Variants in PRKG1 observed in about 807,000 individuals in gnomAD.
PRKG1 encodes the protein cGMP-dependent protein kinase 1.
In PRKG1, 35 loss-of-function variants were observed where a neutral mutation model predicts 88.1. The ratio of observed to expected loss-of-function variants is 0.40; its 90% confidence interval spans 0.30 to 0.53. The LOEUF (loss-of-function observed/expected upper bound fraction) is 0.53, where lower values mean the gene tolerates loss of function less well. Among genes scored for constraint, PRKG1 ranks in the 20% least tolerant of loss-of-function variants. PRKG1 has a pLI of 0.59. For missense variants in PRKG1, 540 were observed against 839.8 expected (o/e 0.64, Z 4.41); for synonymous variants, 303 against 292.5 (o/e 1.04, Z -0.37).
chr10:51,880,985 T>A (rs1280877466), intron 4 of PRKG1, among the ~76,000 whole-genome samples: 1 of 151,242 alleles, frequency 6.6e-6, no homozygotes, highest in African/African-American at 2.4e-5. Context: ...AATAAAAGGC[T>A]TGTATAAGAG....
intron 2 of PRKG1, among the ~76,000 whole-genome samples, chr10:51,226,849 A>G (rs908541106): frequency 2.6e-5 from 4 of 152,200 alleles, no homozygotes; most frequent in Non-Finnish European, 5.9e-5. Flanking sequence ...AGTAAAAGAA[A>G]TAAATTACTA....
At chr10:52,209,528 G>A (rs968506663) in intron 9 of PRKG1, among the ~76,000 whole-genome samples, 2 of 152,130 alleles carry the variant, frequency 1.3e-5, no homozygotes, top group Admixed American at 6.5e-5. Context: ...GGGAATTGAT[G>A]AGCAGGTGAA....
At chr10:51,277,482 T>C (rs1002158179) in intron 2 of PRKG1, among the ~76,000 whole-genome samples, 4 of 152,176 alleles carry the variant, frequency 2.6e-5, no homozygotes, top group Non-Finnish European at 1.5e-5. Flanking sequence ...AAAGTAGTTT[T>C]TTCCAATTCT....
intron 2 of PRKG1, among the ~76,000 whole-genome samples, chr10:51,399,766 G>A (rs138872275): frequency 1.3e-5 from 2 of 152,194 alleles, no homozygotes; most frequent in African/African-American, 2.4e-5. Context: ...TTTGATGATG[G>A]TTAAAGTGAC....
intron 2 of PRKG1, among the ~76,000 whole-genome samples, chr10:51,216,124 G>A (rs960167547): frequency 6.6e-6 from 1 of 152,178 alleles, no homozygotes; most frequent in Non-Finnish European, 1.5e-5. Flanking sequence ...CACAGGAGTG[G>A]CTCATTGAAT....
At chr10:51,590,144 G>C (rs1204522931) in intron 3 of PRKG1, among the ~76,000 whole-genome samples, 1 of 152,144 alleles carries the variant, frequency 6.6e-6, no homozygotes, top group Non-Finnish European at 1.5e-5. Flanking sequence ...AGTTGTGACT[G>C]ATTTTGAGAA....
rs531043210 is a variant in PRKG1, at chr10:51,656,087, C to T, written c.593-148498C>T. Reference sequence around the variant, plus strand: ...GAGTTTGAGATGTACAAGAAAAGAACAGCTATCATATTCACTTCAAAGCAA... The same window carrying T: ...GAGTTTGAGATGTACAAGAAAAGAATAGCTATCATATTCACTTCAAAGCAA... On this transcript the variant is annotated intron_variant, in intron 3 of 17. Coordinates refer to ENST00000373980, the MANE Select transcript of PRKG1 (RefSeq NM_006258.4). Among the ~76,000 whole-genome samples, 12 of 152,186 alleles carry T rather than the reference C, an allele frequency of 7.9e-5. No homozygotes were observed. In the South Asian group the frequency reaches 1.0e-3, roughly 13 times the overall value.
Position 51,850,555 on chromosome 10 carries a change from C to T in PRKG1, c.698+45865C>T, listed in dbSNP as rs1174459729. ...TAGAAAAAGGATACCATCAGCAAAA[C>T]CAGAAGGCCAATAATAAACTGAGGG... On this transcript the variant is annotated intron_variant, in intron 4 of 17. Coordinates refer to ENST00000373980, the MANE Select transcript of PRKG1 (RefSeq NM_006258.4). Among the ~76,000 whole-genome samples, 4 of 151,654 alleles carry T rather than the reference C, an allele frequency of 2.6e-5. No homozygotes were observed. The East Asian group carries it at 7.8e-4, about 29-fold the overall frequency.
At chr10:51,850,279 C>A (rs984423373) in intron 4 of PRKG1, among the ~76,000 whole-genome samples, 1 of 152,098 alleles carries the variant, frequency 6.6e-6, no homozygotes, top group African/African-American at 2.4e-5. Flanking sequence ...CGGGTTCAAG[C>A]GATTCTCCTG....
At chr10:52,222,019 A>C (rs1041575148) in intron 9 of PRKG1, among the ~76,000 whole-genome samples, 1 of 152,142 alleles carries the variant, frequency 6.6e-6, no homozygotes, top group Non-Finnish European at 1.5e-5. Context: ...GGAGTCGGTA[A>C]GGGTGGAGAT....
intron 5 of PRKG1, among the ~76,000 whole-genome samples, chr10:52,027,302 A>T (rs1171287644): frequency 6.6e-6 from 1 of 152,084 alleles, no homozygotes; most frequent in Non-Finnish European, 1.5e-5. Flanking sequence ...GAGGGTCGTG[A>T]TATGTGTATG....
chr10:52,024,274 A>C (rs1224144121), intron 5 of PRKG1, among the ~76,000 whole-genome samples: 1 of 151,766 alleles, frequency 6.6e-6, no homozygotes, highest in East Asian at 1.9e-4. Context: ...AATTGGAAAA[A>C]ACTACTTTAC....
chr10:51,513,740 A>ATGAC (rs1424568157), intron 3 of PRKG1, among the ~76,000 whole-genome samples: 1 of 101,218 alleles, frequency 9.9e-6, no homozygotes, highest in Non-Finnish European at 2.0e-5. Flanking sequence ...CTGCTCCTGA[A>ATGAC]TGACTACTGG....
intron 4 of PRKG1, among the ~76,000 whole-genome samples, chr10:51,806,234 C>A (rs1839303859): frequency 6.6e-6 from 1 of 152,126 alleles, no homozygotes. Context: ...TCTCACATAC[C>A]TAAGCGTTGG....
intron 1 of PRKG1, among the ~76,000 whole-genome samples, chr10:51,018,304 A>G (rs896157927): frequency 6.6e-6 from 1 of 151,898 alleles, no homozygotes; most frequent in Non-Finnish European, 1.5e-5. Context: ...TCTGGCTTGC[A>G]TTGGTTCTTG....
intron 2 of PRKG1, among the ~76,000 whole-genome samples, chr10:51,158,422 A>G (rs1564621515): frequency 6.6e-6 from 1 of 151,992 alleles, no homozygotes; most frequent in African/African-American, 2.4e-5. Context: ...TTTATTATGT[A>G]TATTCAAACT....
chr10:51,885,192 A>G (rs1841538238), intron 4 of PRKG1, among the ~76,000 whole-genome samples: 1 of 152,240 alleles, frequency 6.6e-6, no homozygotes, highest in Non-Finnish European at 1.5e-5. Context: ...TAACCTAGGT[A>G]AAACACTTAG....
At chr10:51,972,632 T>C (rs1363262081) in intron 5 of PRKG1, among the ~76,000 whole-genome samples, 1 of 152,186 alleles carries the variant, frequency 6.6e-6, no homozygotes, top group Admixed American at 6.6e-5. Flanking sequence ...CTTATCTACA[T>C]TTTCATCTGC....
intron 7 of PRKG1, among the ~76,000 whole-genome samples, chr10:52,084,733 A>C (rs932048096): frequency 6.6e-6 from 1 of 152,098 alleles, no homozygotes; most frequent in African/African-American, 2.4e-5. Context: ...GAAATTTGAC[A>C]TAGATATAAT....
Sources: allele counts gnomAD v4.1 joint callset (sites outside exome capture counted in the v4.1 genomes callset), GRCh38; gene constraint gnomAD v4.1.1; transcripts MANE v1.5; gene names NCBI Gene and HGNC (gene_info 2026-07-23, HGNC 2026-07-21).